Variants in PTPRT observed in about 807,000 individuals in gnomAD.
PTPRT encodes receptor-type tyrosine-protein phosphatase T.
In PTPRT, 56 loss-of-function variants were observed where a neutral mutation model predicts 176.8. That is an observed-to-expected ratio of 0.32 (90% confidence interval 0.26 to 0.40). The LOEUF (loss-of-function observed/expected upper bound fraction) is 0.40, where lower values mean the gene tolerates loss of function less well. Among genes scored for constraint, PTPRT ranks in the 10% least tolerant of loss-of-function variants. The pLI is 1.00. For synonymous variants in PTPRT, 783 were observed against 739.0 expected, an observed-to-expected ratio of 1.06 and a Z score of -0.96; for missense variants, 1,540 against 1,908.2, an observed-to-expected ratio of 0.81 and a Z score of 3.60.
chr20:42,653,622 T>C (rs1028080762), intron 7 of PTPRT, among the ~76,000 whole-genome samples: 2 of 152,236 alleles, frequency 1.3e-5, no homozygotes, highest in Admixed American at 6.5e-5. Context: ...CGTATTAAGA[T>C]ACACCTGCAT....
chr20:42,579,576 T>A (rs1161574493), intron 7 of PTPRT, among the ~76,000 whole-genome samples: 4 of 152,150 alleles, frequency 2.6e-5, no homozygotes, highest in African/African-American at 9.7e-5. Flanking sequence ...ACCTGTTGTT[T>A]CCTGACTTTT....
At chr20:42,388,374 C>T (rs1394224148) in intron 9 of PTPRT, among the ~76,000 whole-genome samples, 2 of 152,166 alleles carry the variant, frequency 1.3e-5, no homozygotes, top group Admixed American at 1.3e-4. Context: ...GCAACCTACT[C>T]ATCTGACAAA....
At chr20:42,892,733 T>C (rs2079216716) in intron 1 of PTPRT, among the ~76,000 whole-genome samples, 1 of 152,136 alleles carries the variant, frequency 6.6e-6, no homozygotes, top group Admixed American at 6.5e-5. Context: ...ACGTCAGCAC[T>C]GGGGACCCTG....
intron 6 of PTPRT, among the ~76,000 whole-genome samples, chr20:42,691,780 C>T (rs2075798017): frequency 6.6e-6 from 1 of 152,138 alleles, no homozygotes; most frequent in African/African-American, 2.4e-5. Context: ...TCTCCAAAAG[C>T]CATGATTCTG....
chr20:42,275,138 A>C (rs1163361767), intron 13 of PTPRT, among the ~76,000 whole-genome samples: 1 of 152,240 alleles, frequency 6.6e-6, no homozygotes, highest in African/African-American at 2.4e-5. Flanking sequence ...ATCACACTGA[A>C]ACCTTGTGTC....
intron 2 of PTPRT, among the ~76,000 whole-genome samples, chr20:42,798,039 A>T (rs1223684605): frequency 6.6e-6 from 1 of 152,220 alleles, no homozygotes; most frequent in Non-Finnish European, 1.5e-5. Flanking sequence ...GTAATTTGTT[A>T]CAGCAGCAAT....
chr20:42,784,466 A>G (rs949129610), intron 3 of PTPRT, among the ~76,000 whole-genome samples: 1 of 152,166 alleles, frequency 6.6e-6, no homozygotes, highest in Non-Finnish European at 1.5e-5. Context: ...TTTTTACCCT[A>G]TCAGCCCAAG....
At chr20:42,900,175 A>G (rs568404266) in intron 1 of PTPRT, among the ~76,000 whole-genome samples, 1 of 151,076 alleles carries the variant, frequency 6.6e-6, no homozygotes, top group East Asian at 1.9e-4. Flanking sequence ...TGAGAGTCAC[A>G]GACTAGCAGG....
intron 1 of PTPRT, among the ~76,000 whole-genome samples, chr20:43,122,117 G>A (rs951724688): frequency 3.9e-5 from 6 of 152,150 alleles, no homozygotes; most frequent in Non-Finnish European, 7.3e-5. Flanking sequence ...ATTCAGTAGG[G>A]CTGCGGTTAG....
intron 15 of PTPRT, among the ~76,000 whole-genome samples, chr20:42,220,655 C>G (rs1317985454): frequency 6.6e-6 from 1 of 151,366 alleles, no homozygotes; most frequent in African/African-American, 2.4e-5. Flanking sequence ...GTATAAATAT[C>G]ATAATCACTT....
intron 9 of PTPRT, among the ~76,000 whole-genome samples, chr20:42,438,080 T>C (rs545529237): frequency 6.6e-6 from 1 of 152,294 alleles, no homozygotes; most frequent in South Asian, 2.1e-4. Context: ...TCTCTAGCCA[T>C]GTGGCCATGT....
chr20:42,478,704 C>T (rs1482038048), intron 7 of PTPRT, among the ~76,000 whole-genome samples: 1 of 152,008 alleles, frequency 6.6e-6, no homozygotes, highest in Non-Finnish European at 1.5e-5. Flanking sequence ...CTAACAGTCT[C>T]CCTTGCCCAT....
intron 7 of PTPRT, among the ~76,000 whole-genome samples, chr20:42,595,502 A>T (rs1451569895): frequency 5.3e-5 from 8 of 152,084 alleles, no homozygotes. Flanking sequence ...TGAATTATTC[A>T]AGGGACCATG....
intron 11 of PTPRT, among the ~76,000 whole-genome samples, chr20:42,323,683 G>A (rs1192037482): frequency 6.6e-6 from 1 of 151,924 alleles, no homozygotes; most frequent in East Asian, 1.9e-4. Context: ...AATGGGTACA[G>A]CACACCAGCA....
intron 6 of PTPRT, among the ~76,000 whole-genome samples, chr20:42,720,746 C>T (rs1223139850): frequency 6.6e-6 from 1 of 152,156 alleles, no homozygotes; most frequent in Non-Finnish European, 1.5e-5. Context: ...TGTCAAATCC[C>T]CAGATCACAT....
intron 16 of PTPRT, among the ~76,000 whole-genome samples, chr20:42,174,973 A>G (rs1189212643): frequency 1.3e-5 from 2 of 152,136 alleles, no homozygotes; most frequent in Non-Finnish European, 2.9e-5. Context: ...GGTTAATACA[A>G]CAGAAGAAGA....
At chr20:42,651,079 C>T (rs1368175852) in intron 7 of PTPRT, among the ~76,000 whole-genome samples, 2 of 151,916 alleles carry the variant, frequency 1.3e-5, no homozygotes, top group Non-Finnish European at 2.9e-5. Flanking sequence ...AATTAAATGG[C>T]TCTTATATCT....
At chr20:43,032,697 G>T (rs1986197020) in intron 1 of PTPRT, among the ~76,000 whole-genome samples, 1 of 152,082 alleles carries the variant, frequency 6.6e-6, no homozygotes, top group Non-Finnish European at 1.5e-5. Context: ...GATCAAAGCA[G>T]ATCTGTGCAT....
intron 7 of PTPRT, among the ~76,000 whole-genome samples, chr20:42,488,475 T>C (rs1222209290): frequency 1.3e-5 from 2 of 152,222 alleles, no homozygotes; most frequent in Non-Finnish European, 2.9e-5. Context: ...TTTTAATTTA[T>C]ATTGTTTCAG....
Sources: allele counts gnomAD v4.1 joint callset (sites outside exome capture counted in the v4.1 genomes callset), GRCh38; gene constraint gnomAD v4.1.1; transcripts MANE v1.5; gene names NCBI Gene and HGNC (gene_info 2026-07-23, HGNC 2026-07-21).